PRORP: variants seen among roughly 807,000 people sequenced by gnomAD.
PRORP encodes protein only RNase P catalytic subunit, also known as mitochondrial ribonuclease P catalytic subunit.
A neutral mutation model predicts 59.4 loss-of-function variants in PRORP; 51 were observed. That is an observed-to-expected ratio of 0.86 (90% CI 0.69 to 1.08). The LOEUF (loss-of-function observed/expected upper bound fraction) is 1.08. PRORP is among the 50% of genes least tolerant of loss of function. The pLI is 0.00. For synonymous variants in PRORP, 231 were observed against 245.6 expected (o/e 0.94, Z 0.55); for missense variants, 646 against 690.3 (o/e 0.94, Z 0.72).
chr14:35,259,751 C>T (rs2138628301), intron 5 of PRORP, among the ~76,000 whole-genome samples: 1 of 152,110 alleles, frequency 6.6e-6, no homozygotes, highest in African/African-American at 2.4e-5. Flanking sequence ...AAAAATTAGC[C>T]AGGCATGGTG....
chr14:35,192,906 A>C (rs1255805668), intron 5 of PRORP, among the ~76,000 whole-genome samples: 1 of 152,026 alleles, frequency 6.6e-6, no homozygotes, highest in Non-Finnish European at 1.5e-5. Context: ...AGGCAGGAGA[A>C]TCGCTTGAAC....
chr14:35,256,971 C>A (rs2050778059), intron 5 of PRORP, among the ~76,000 whole-genome samples: 2 of 151,046 alleles, frequency 1.3e-5, no homozygotes, highest in African/African-American at 4.9e-5. Context: ...CTCCTAGGTT[C>A]AAGCGATTCT....
rs1334170012 is a variant in PRORP at position 35,127,687 on chromosome 14, A to G, written c.1167+76A>G. ...GTTAGCAATTTTTGTAAAATGCCAG[A>G]TACTAAATATTTTAGGCTTTGTAGG... On this transcript the variant is annotated intron_variant, in intron 4 of 7. Coordinates refer to ENST00000534898, the MANE Select transcript of PRORP (RefSeq NM_014672.4). 1.3e-5 allele frequency: 20 copies of G among 1,495,944 alleles called. No homozygotes were observed. The Admixed American group carries it at 3.7e-4, about 27-fold the overall frequency. The allele number at this position is 1,495,944 out of a possible 1,614,324, so 92.7% of individuals were successfully genotyped here. A position where few individuals can be genotyped will look rare whatever the true frequency, so the allele number is the denominator to read the frequency against.
chr14:35,207,638 CCTT>C (rs1317974046), intron 5 of PRORP, among the ~76,000 whole-genome samples: 1 of 152,164 alleles, frequency 6.6e-6, no homozygotes, highest in Non-Finnish European at 1.5e-5. Context: ...ACAGCTGTCT[CCTT>C]AGATTCTACC....
intron 5 of PRORP, among the ~76,000 whole-genome samples, chr14:35,224,170 ACAGAAAAAGAACAGT>A (rs2049870854): frequency 6.6e-6 from 1 of 152,200 alleles, no homozygotes; most frequent in Non-Finnish European, 1.5e-5. Context: ...GAAAGAAAGG[ACAGAAAAAGAACAGT>A]GCTTCTTCAA....
At chr14:35,184,152 T>TTCATTA (rs1407671591) in intron 5 of PRORP, among the ~76,000 whole-genome samples, 1 of 139,734 alleles carries the variant, frequency 7.2e-6, no homozygotes, top group African/African-American at 2.6e-5. Context: ...TCTCTGTAAG[T>TTCATTA]TCATTAATGA....
At chr14:35,148,911 A>ATTTTTTTTT (rs1186320988) in intron 4 of PRORP, among the ~76,000 whole-genome samples, 10 of 82,840 alleles carry the variant, frequency 1.2e-4, no homozygotes, top group Admixed American at 1.7e-4. Context: ...GCACTTTTTA[A>ATTTTTTTTT]TTTTTTTTTT....
chr14:35,182,441 T>G (rs550595566), intron 5 of PRORP, among the ~76,000 whole-genome samples: 12 of 152,034 alleles, frequency 7.9e-5, no homozygotes, highest in Admixed American at 7.9e-4. Flanking sequence ...GGTCAGGAGT[T>G]GAAGACCAGC....
At chr14:35,128,683 T>C (rs55815172) in intron 4 of PRORP, among the ~76,000 whole-genome samples, 31,652 of 152,042 alleles carry the variant, frequency 0.21, 3,974 homozygotes, top group Non-Finnish European at 0.29. Flanking sequence ...TGTTGTAATG[T>C]CTTCTTTTTC....
intron 5 of PRORP, among the ~76,000 whole-genome samples, chr14:35,229,376 C>T (rs115385687): frequency 2.7e-4 from 41 of 152,260 alleles, no homozygotes; most frequent in African/African-American, 8.7e-4. Flanking sequence ...TGAAGGCCGA[C>T]GTCCAGAATG....
At chr14:35,132,349 G>A (rs1394553994) in intron 4 of PRORP, among the ~76,000 whole-genome samples, 2 of 151,416 alleles carry the variant, frequency 1.3e-5, no homozygotes, top group African/African-American at 4.8e-5. Flanking sequence ...TTCCAGTTAC[G>A]TAGGAGGCTG....
rs201198677 is a variant in PRORP at position 35,255,933 on chromosome 14, TCATTTATGTTA to T, written c.1276-10779_1276-10769del. Among the ~76,000 whole-genome samples the T allele has an allele frequency of 2.5e-3, 387 of 152,200 alleles. 3 individuals carry two copies. The highest frequency in any genetic ancestry group is 0.025 in the East Asian group (128 of 5,174). ...AACAATTGTGACTCAGAAATATGAGTCATTTATGTTACATTTATGTTACATAAATTTTATAT... is the reference window on the plus strand; with the variant it reads ...AACAATTGTGACTCAGAAATATGAGTCATTTATGTTACATAAATTTTATAT... On this transcript the variant is annotated intron_variant, in intron 5 of 7. Coordinates refer to ENST00000534898, the MANE Select transcript of PRORP (RefSeq NM_014672.4).
chr14:35,182,300 G>C (rs558881995), intron 5 of PRORP, among the ~76,000 whole-genome samples: 57 of 151,990 alleles, frequency 3.8e-4, no homozygotes, highest in Non-Finnish European at 6.9e-4. Flanking sequence ...TTTACAATAT[G>C]TGACAAAGAG....
chr14:35,152,721 G>A (rs28394182), intron 4 of PRORP, among the ~76,000 whole-genome samples: 1,779 of 150,732 alleles, frequency 0.012, 36 homozygotes, highest in African/African-American at 0.041. Flanking sequence ...AGACGGGTCG[G>A]CCGGGCAGAG....
At chr14:35,263,768 C>T (rs2050966855) in intron 5 of PRORP, among the ~76,000 whole-genome samples, 1 of 152,162 alleles carries the variant, frequency 6.6e-6, no homozygotes, top group South Asian at 2.1e-4. Flanking sequence ...GCTGTGATAC[C>T]TACCATGTGC....
chr14:35,225,129 T>C (rs1281507361), intron 5 of PRORP, among the ~76,000 whole-genome samples: 1 of 152,202 alleles, frequency 6.6e-6, no homozygotes, highest in African/African-American at 2.4e-5. Context: ...TGTATTAATC[T>C]TTATTGTTTC....
intron 5 of PRORP, among the ~76,000 whole-genome samples, chr14:35,265,624 A>G (rs891169996): frequency 5.9e-5 from 9 of 152,186 alleles, no homozygotes; most frequent in Non-Finnish European, 2.9e-5. Flanking sequence ...AGAAAAGGGG[A>G]TTTCAATGAA....
intron 5 of PRORP, among the ~76,000 whole-genome samples, chr14:35,254,536 G>A (rs930443102): frequency 7.9e-5 from 12 of 152,162 alleles, no homozygotes; most frequent in African/African-American, 2.9e-4. Flanking sequence ...GGGATTACAG[G>A]CATGCGCCAC....
chr14:35,146,081 T>A (rs2047603875), intron 4 of PRORP, among the ~76,000 whole-genome samples: 1 of 152,084 alleles, frequency 6.6e-6, no homozygotes, highest in African/African-American at 2.4e-5. Flanking sequence ...TCCGCCCGCC[T>A]CGGCCTCCCA....
Sources: allele counts gnomAD v4.1 joint callset (sites outside exome capture counted in the v4.1 genomes callset), GRCh38; gene constraint gnomAD v4.1.1; transcripts MANE v1.5; gene names NCBI Gene and HGNC (gene_info 2026-07-23, HGNC 2026-07-21).